IQCM: variants seen among roughly 807,000 people sequenced by gnomAD.
The protein encoded by IQCM is IQ domain-containing protein M.
Under a neutral mutation model 57.6 loss-of-function variants are expected in IQCM, and 45 were observed. The ratio of observed to expected loss-of-function variants is 0.78; its 90% CI spans 0.62 to 1.00. IQCM has a LOEUF of 1.00. Among genes scored for constraint, IQCM ranks in the 50% least tolerant of loss-of-function variants. IQCM has a pLI of 0.00. For missense variants in IQCM, 468 were observed against 511.6 expected (o/e 0.91, Z 0.82); for synonymous variants, 148 against 158.9 (o/e 0.93, Z 0.51).
chr4:149,395,421 T>G (rs1390880796), intron 13 of IQCM, among the ~76,000 whole-genome samples: 1 of 152,040 alleles, frequency 6.6e-6, no homozygotes, highest in African/African-American at 2.4e-5. Flanking sequence ...GGTATGTGGA[T>G]TAATAGACTC....
chr4:149,696,291 T>G (rs566591366), intron 5 of IQCM, among the ~76,000 whole-genome samples: 1 of 152,280 alleles, frequency 6.6e-6, no homozygotes, highest in Non-Finnish European at 1.5e-5. Flanking sequence ...AATGATTTTC[T>G]TTTATGAAAA....
intron 2 of IQCM, among the ~76,000 whole-genome samples, chr4:149,804,021 G>A (rs1175298169): frequency 1.3e-5 from 2 of 151,872 alleles, no homozygotes; most frequent in African/African-American, 4.8e-5. Flanking sequence ...GCTGGAGGGG[G>A]CTGGCACTAG....
chr4:149,497,339 A>G (rs1272494037), intron 12 of IQCM, among the ~76,000 whole-genome samples: 1 of 152,086 alleles, frequency 6.6e-6, no homozygotes, highest in Non-Finnish European at 1.5e-5. Context: ...AGAAGGCCAG[A>G]TATTAGGAGA....
intron 10 of IQCM, among the ~76,000 whole-genome samples, chr4:149,556,153 C>T (rs915645034): frequency 6.6e-6 from 1 of 152,106 alleles, no homozygotes; most frequent in African/African-American, 2.4e-5. Context: ...CTTACAACAG[C>T]AATATTGCAA....
chr4:149,413,299 G>A (rs1179134454), intron 13 of IQCM, among the ~76,000 whole-genome samples: 11 of 152,170 alleles, frequency 7.2e-5, no homozygotes, highest in Admixed American at 7.2e-4. Context: ...ACTAACTCAG[G>A]AAGAAGTAAG....
At chr4:149,456,788 C>T (rs1737750086) in intron 12 of IQCM, among the ~76,000 whole-genome samples, 1 of 152,026 alleles carries the variant, frequency 6.6e-6, no homozygotes, top group Non-Finnish European at 1.5e-5. Context: ...GTCAGAAAGA[C>T]CTTCCTGCTT....
intron 7 of IQCM, among the ~76,000 whole-genome samples, chr4:149,627,176 T>G (rs533834203): frequency 6.6e-6 from 1 of 152,120 alleles, no homozygotes; most frequent in African/African-American, 2.4e-5. Flanking sequence ...TAATGGAGAT[T>G]GTAATTTTTC....
chr4:149,613,505 C>T (rs977802268), intron 8 of IQCM, among the ~76,000 whole-genome samples: 4 of 151,880 alleles, frequency 2.6e-5, no homozygotes, highest in Admixed American at 6.6e-5. Flanking sequence ...TCTTGTCAAT[C>T]CATTCTATGG....
At chr4:149,361,534 C>A (rs1296446430) in intron 13 of IQCM, among the ~76,000 whole-genome samples, 1 of 152,184 alleles carries the variant, frequency 6.6e-6, no homozygotes, top group Non-Finnish European at 1.5e-5. Context: ...AATGTCCCAG[C>A]CATTCCAGCT....
At chr4:149,441,979 T>C (rs1735987867) in intron 12 of IQCM, among the ~76,000 whole-genome samples, 1 of 151,186 alleles carries the variant, frequency 6.6e-6, no homozygotes, top group Admixed American at 6.6e-5. Context: ...AGGCCATCAC[T>C]TGTTGCTAGC....
At chr4:149,355,541 G>C (rs933645066) in intron 13 of IQCM, among the ~76,000 whole-genome samples, 3 of 151,988 alleles carry the variant, frequency 2.0e-5, no homozygotes, top group Admixed American at 2.0e-4. Context: ...ATGGTTTCCA[G>C]CTTCATCCAT....
intron 2 of IQCM, among the ~76,000 whole-genome samples, chr4:149,777,287 T>C (rs974875083): frequency 2.0e-5 from 3 of 152,162 alleles, no homozygotes; most frequent in Non-Finnish European, 2.9e-5. Context: ...TGTATAAATA[T>C]TGACATTCAC....
chr4:149,488,823 A>G (rs975402509), intron 12 of IQCM, among the ~76,000 whole-genome samples: 1 of 152,152 alleles, frequency 6.6e-6, no homozygotes, highest in South Asian at 2.1e-4. Context: ...GTAATATTAG[A>G]CACTTCATCT....
At chr4:149,406,085 A>G (rs1166113409) in intron 13 of IQCM, among the ~76,000 whole-genome samples, 4 of 151,508 alleles carry the variant, frequency 2.6e-5, no homozygotes, top group African/African-American at 9.7e-5. Flanking sequence ...AGATTTTTTC[A>G]CTCTCTTAAG....
chr4:149,682,085 GTGCTGCTA>G, intron 7 of IQCM, 25 bp downstream of exon 7: 1 of 821,690 alleles, frequency 1.2e-6, no homozygotes, highest in Middle Eastern at 4.2e-4. Context: ...GAAAATCAAT[GTGCTGCTA>G]CCAACATTTA....
At chr4:149,393,094 G>C (rs1326077256) in intron 13 of IQCM, among the ~76,000 whole-genome samples, 1 of 151,948 alleles carries the variant, frequency 6.6e-6, no homozygotes, top group Admixed American at 6.6e-5. Context: ...ATGCTCATAT[G>C]AGCCCAGGAA....
At chr4:149,364,387 T>C (rs1729697120) in intron 13 of IQCM, among the ~76,000 whole-genome samples, 1 of 152,130 alleles carries the variant, frequency 6.6e-6, no homozygotes, top group African/African-American at 2.4e-5. Flanking sequence ...CTGCTGAGTT[T>C]CCCAAGGGGT....
chr4:149,505,724 G>A (rs1023454519), intron 12 of IQCM, among the ~76,000 whole-genome samples: 6 of 152,118 alleles, frequency 3.9e-5, no homozygotes, highest in Non-Finnish European at 5.9e-5. Flanking sequence ...ATTTGTGAAT[G>A]CGTTTGTTTT....
At chr4:149,381,915 CAG>C (rs1731107126) in intron 13 of IQCM, among the ~76,000 whole-genome samples, 1 of 152,022 alleles carries the variant, frequency 6.6e-6, no homozygotes, top group Admixed American at 6.6e-5. Context: ...GCTGGGATTA[CAG>C]ATATGTGCCA....
Sources: allele counts gnomAD v4.1 joint callset (sites outside exome capture counted in the v4.1 genomes callset), GRCh38; gene constraint gnomAD v4.1.1; transcripts MANE v1.5; gene names NCBI Gene and HGNC (gene_info 2026-07-23, HGNC 2026-07-21).